BCL2: variants seen among roughly 807,000 people sequenced by gnomAD.
The protein encoded by BCL2 is apoptosis regulator Bcl-2.
A neutral mutation model predicts 14.2 loss-of-function variants in BCL2; 1 was observed. The ratio of observed to expected loss-of-function variants is 0.07; its 90% CI spans 0.02 to 0.33. The LOEUF is 0.33. BCL2 is among the 10% of genes least tolerant of loss of function. The pLI is 0.99. For missense variants in BCL2, 247 were observed against 305.9 expected (o/e 0.81, Z 1.44); for synonymous variants, 151 against 137.2 (o/e 1.10, Z -0.70).
chr18:63,318,977 CTAAT>C lies in BCL2; in HGVS notation c.-286-29_-286-26del, dbSNP rs1913606595. On this transcript the variant is annotated intron_variant, in intron 1 of 2. Transcript: ENST00000333681. This position sits in a 1 kb window ranked among gnomAD's most constrained non-coding sequence, Gnocchi z 7.4. ...GCTGAAAGGTTAAAGAAAAAACAAA[CTAAT>C]AAGTAAAAAATCAGGTGCGTTTCCC... The C allele has an allele frequency of 2.4e-6, 3 of 1,266,362 alleles. No individual in the cohort carries two copies. The highest frequency in any genetic ancestry group is 4.1e-5 in the Admixed American group (1 of 24,536). 78.4% of individuals were successfully genotyped at this position (1,266,362 alleles called of 1,614,324 possible).
chr18:63,166,753 G>A (rs1915056652), intron 2 of BCL2, among the ~76,000 whole-genome samples: 1 of 152,164 alleles, frequency 6.6e-6, no homozygotes, highest in Non-Finnish European at 1.5e-5. Flanking sequence ...GTTAAGTTTG[G>A]TTAGTAAAAC....
intron 2 of BCL2, chr18:63,302,315 A>AT: frequency 2.1e-6 from 2 of 968,646 alleles, no homozygotes; most frequent in Non-Finnish European, 1.2e-6. Flanking sequence ...AAAAAAAAAA[A>AT]GAGAGAGAAA....
At chr18:63,158,432 C>G (rs1350978981) in intron 2 of BCL2, among the ~76,000 whole-genome samples, 1 of 152,130 alleles carries the variant, frequency 6.6e-6, no homozygotes, top group African/African-American at 2.4e-5. Flanking sequence ...GTCACACGCT[C>G]TCCTCCACAC....
intron 2 of BCL2, among the ~76,000 whole-genome samples, chr18:63,165,729 G>A (rs1035197766): frequency 2.6e-5 from 4 of 152,156 alleles, no homozygotes; most frequent in Non-Finnish European, 2.9e-5. Context: ...AGACACTGGC[G>A]GGAGACAAAA....
intron 2 of BCL2, among the ~76,000 whole-genome samples, chr18:63,303,293 A>G (rs1913021688): frequency 6.6e-6 from 1 of 152,196 alleles, no homozygotes; most frequent in Admixed American, 6.5e-5. Context: ...CTTGGTAGGA[A>G]CCAGTGATTA....
chr18:63,167,028 T>A (rs1915063126), intron 2 of BCL2, among the ~76,000 whole-genome samples: 1 of 152,170 alleles, frequency 6.6e-6, no homozygotes, highest in Non-Finnish European at 1.5e-5. Context: ...TGTTGCAACA[T>A]GAGAAGGTGC....
rs7236823 is a variant in BCL2, at chr18:63,288,800, T to C, written c.585+29282A>G. ...AAGAACAACATAAATATAAAGCTAA[T>C]AGTATTTACAATAACTGTCTACTGT... On this transcript the variant is annotated intron_variant, in intron 2 of 2. Transcript: ENST00000333681. 8.3e-3 allele frequency among the ~76,000 whole-genome samples: 1,267 copies of C among 152,250 alleles called. 19 individuals are homozygous for C. Among genetic ancestry groups the C allele is most frequent in the African/African-American group, 0.029 (1,206 of 41,538 alleles).
intron 2 of BCL2, among the ~76,000 whole-genome samples, chr18:63,225,288 AAG>A (rs1380731652): frequency 6.6e-6 from 1 of 152,182 alleles, no homozygotes; most frequent in African/African-American, 2.4e-5. Context: ...CACTGGGAGA[AAG>A]AGGGGAGAGG....
intron 2 of BCL2, among the ~76,000 whole-genome samples, chr18:63,212,187 G>C (rs547222960): frequency 2.0e-5 from 3 of 151,198 alleles, no homozygotes; most frequent in Admixed American, 6.6e-5. Context: ...TTAGCTGGGC[G>C]TGGTGGCGGG....
At chr18:63,193,790 G>T (rs1180542056) in intron 2 of BCL2, among the ~76,000 whole-genome samples, 1 of 151,956 alleles carries the variant, frequency 6.6e-6, no homozygotes, top group Non-Finnish European at 1.5e-5. Flanking sequence ...CAAACATATG[G>T]TTCTAAAATG....
At chr18:63,163,045 T>TA (rs1263053409) in intron 2 of BCL2, among the ~76,000 whole-genome samples, 6 of 152,292 alleles carry the variant, frequency 3.9e-5, no homozygotes, top group Admixed American at 2.6e-4. Context: ...GGGGTCTGGC[T>TA]ATGTTGCCAA....
intron 2 of BCL2, chr18:63,207,914 T>A (rs1909885437): frequency 6.6e-6 from 1 of 151,896 alleles, no homozygotes; most frequent in Non-Finnish European, 1.5e-5. Flanking sequence ...TACACTTTTC[T>A]AAAAAAAATA....
chr18:63,285,186 A>G (rs1599290251), intron 2 of BCL2, among the ~76,000 whole-genome samples: 1 of 152,192 alleles, frequency 6.6e-6, no homozygotes, highest in East Asian at 1.9e-4. Context: ...TTCTAAACGG[A>G]AAAATAAAGA....
chr18:63,194,781 T>C (rs933119687), intron 2 of BCL2, among the ~76,000 whole-genome samples: 1 of 152,162 alleles, frequency 6.6e-6, no homozygotes, highest in Non-Finnish European at 1.5e-5. Flanking sequence ...AAACAAAGCA[T>C]TAATGGGAAA....
At chr18:63,263,363 G>A (rs918238803) in intron 2 of BCL2, among the ~76,000 whole-genome samples, 1 of 152,222 alleles carries the variant, frequency 6.6e-6, no homozygotes, top group Non-Finnish European at 1.5e-5. Flanking sequence ...GAAACAAGCA[G>A]TGCTCCTTGA....
chr18:63,286,335 T>C (rs900132591), intron 2 of BCL2, among the ~76,000 whole-genome samples: 3 of 152,176 alleles, frequency 2.0e-5, no homozygotes, highest in Non-Finnish European at 2.9e-5. Flanking sequence ...TGAATAATTA[T>C]GATACAAAAC....
At chr18:63,143,916 T>C (rs1914436493) in intron 2 of BCL2, among the ~76,000 whole-genome samples, 1 of 152,146 alleles carries the variant, frequency 6.6e-6, no homozygotes, top group African/African-American at 2.4e-5. Flanking sequence ...TCCATGACAA[T>C]GAGCTCCTTA....
At chr18:63,257,756 T>C (rs557390038) in intron 2 of BCL2, among the ~76,000 whole-genome samples, 1 of 152,306 alleles carries the variant, frequency 6.6e-6, no homozygotes, top group South Asian at 2.1e-4. Flanking sequence ...GTCAACAGAA[T>C]GAGAAATGAG....
At chr18:63,290,252 T>C (rs568889583) in intron 2 of BCL2, among the ~76,000 whole-genome samples, 2 of 152,140 alleles carry the variant, frequency 1.3e-5, no homozygotes, top group Admixed American at 6.5e-5. Flanking sequence ...GAAGTCCAGA[T>C]AGAAAGGGTC....
Sources: allele counts gnomAD v4.1 joint callset (sites outside exome capture counted in the v4.1 genomes callset), GRCh38; gene constraint gnomAD v4.1.1; non-coding constraint Gnocchi (gnomAD v3.1); transcripts MANE v1.5; gene names NCBI Gene and HGNC (gene_info 2026-07-23, HGNC 2026-07-21).